The following C8orf88 variants were observed in gnomAD, a reference collection of about 807,000 sequenced individuals.
The protein encoded by C8orf88 is uncharacterized protein C8orf88.
Under a neutral mutation model 18.4 loss-of-function variants are expected in C8orf88, and 14 were observed. The observed-to-expected ratio is 0.76, with a 90% CI of 0.50 to 1.19. C8orf88 has a LOEUF of 1.19. Ranked by LOEUF, C8orf88 falls within the 50% of genes most tolerant of loss-of-function variation. C8orf88 has a pLI of 0.00. For synonymous variants in C8orf88, 45 were observed against 42.9 expected, an observed-to-expected ratio of 1.05 and a Z score of -0.19; for missense variants, 116 against 134.7, an observed-to-expected ratio of 0.86 and a Z score of 0.69.
intron 4 of C8orf88, 148 bp downstream of exon 4, chr8:90,970,918 G>A (rs1342227025): frequency 8.6e-6 from 4 of 467,598 alleles, no homozygotes; most frequent in African/African-American, 6.1e-5. Flanking sequence ...CAGTCAAAGT[G>A]GTAGCCTGAC....
intron 3 of C8orf88, among the ~76,000 whole-genome samples, chr8:90,973,365 A>G (rs1811308999): frequency 6.6e-6 from 1 of 152,182 alleles, no homozygotes; most frequent in Non-Finnish European, 1.5e-5. Flanking sequence ...AGGAAATGTA[A>G]AAGGTTAAAC....
intron 4 of C8orf88, among the ~76,000 whole-genome samples, chr8:90,962,911 G>A (rs1249392620): frequency 3.3e-5 from 5 of 151,412 alleles, no homozygotes; most frequent in African/African-American, 1.2e-4. Context: ...AGGAAAAACT[G>A]AAAAAACAGG....
intron 3 of C8orf88, among the ~76,000 whole-genome samples, chr8:90,977,230 A>C (rs1321032534): frequency 2.0e-5 from 3 of 152,170 alleles, no homozygotes; most frequent in Non-Finnish European, 2.9e-5. Flanking sequence ...AACCAACCAA[A>C]ATATATAATT....
chr8:90,971,169 T>G, intron 3 of C8orf88, 28 bp from the exon 4 acceptor site: 1 of 1,313,430 alleles, frequency 7.6e-7, no homozygotes, highest in Non-Finnish European at 1.0e-6. Flanking sequence ...AATAAACTTT[T>G]TAACTCAGGT....
chr8:90,977,495 A>G (rs1280638805), intron 3 of C8orf88, among the ~76,000 whole-genome samples: 1 of 152,220 alleles, frequency 6.6e-6, no homozygotes, highest in Non-Finnish European at 1.5e-5. Context: ...CATCAACAGA[A>G]AATGGAAAAA....
At chr8:90,962,176 T>A (rs1183695902) in intron 4 of C8orf88, among the ~76,000 whole-genome samples, 1 of 151,580 alleles carries the variant, frequency 6.6e-6, no homozygotes, top group Non-Finnish European at 1.5e-5. Context: ...TTTTTGAGGT[T>A]CATCCTTAAT....
chr8:90,972,342 T>A (rs1029367292), intron 3 of C8orf88, among the ~76,000 whole-genome samples: 1 of 151,874 alleles, frequency 6.6e-6, no homozygotes, highest in Non-Finnish European at 1.5e-5. Context: ...AAATGGAAAA[T>A]GCCTAAGATT....
chr8:90,973,796 T>C (rs1347649450), intron 3 of C8orf88, among the ~76,000 whole-genome samples: 1 of 152,078 alleles, frequency 6.6e-6, no homozygotes, highest in Non-Finnish European at 1.5e-5. Flanking sequence ...TTATATTCTA[T>C]AGCAAGAATG....
intron 4 of C8orf88, among the ~76,000 whole-genome samples, chr8:90,966,158 G>A (rs1341173927): frequency 6.6e-6 from 1 of 151,502 alleles, no homozygotes; most frequent in African/African-American, 2.4e-5. Context: ...ATACACCATG[G>A]AATACTATGC....
rs1431831302 is a variant in C8orf88, at chr8:90,973,636, C to A, written c.148-2495G>T. Among the ~76,000 whole-genome samples the A allele has an allele frequency of 2.0e-5, 3 of 152,114 alleles. No individual in the cohort carries two copies. The East Asian group carries it at 5.8e-4, about 29-fold the overall frequency. On this transcript the variant is annotated intron_variant, in intron 3 of 5. Transcript: ENST00000517562. ...GAGCTAGGACTGCAGGCATATACCA[C>A]CATACCCAGCTACTTTTCAAAAGTT...
intron 5 of C8orf88, among the ~76,000 whole-genome samples, chr8:90,960,233 A>G (rs1169836493): frequency 6.6e-6 from 1 of 151,558 alleles, no homozygotes; most frequent in African/African-American, 2.4e-5. Context: ...TAAGAATAGC[A>G]AAGACATGTT....
At chr8:90,974,390 G>C (rs1433028258) in intron 3 of C8orf88, among the ~76,000 whole-genome samples, 1 of 152,136 alleles carries the variant, frequency 6.6e-6, no homozygotes, top group Non-Finnish European at 1.5e-5. Context: ...CATAGTACCA[G>C]CTGAGCTCCA....
chr8:90,966,044 A>G (rs1811190904), intron 4 of C8orf88, among the ~76,000 whole-genome samples: 1 of 151,782 alleles, frequency 6.6e-6, no homozygotes, highest in Non-Finnish European at 1.5e-5. Context: ...GAGAAATGAA[A>G]TAGAGACTAT....
At chr8:90,976,440 A>T (rs967722378) in intron 3 of C8orf88, among the ~76,000 whole-genome samples, 1 of 152,108 alleles carries the variant, frequency 6.6e-6, no homozygotes, top group Non-Finnish European at 1.5e-5. Context: ...TAACATATTA[A>T]TTTTTTACAT....
rs540883698 is a variant in C8orf88, at chr8:90,968,549, G to A, written c.223+2517C>T. Among the ~76,000 whole-genome samples the A allele has an allele frequency of 1.8e-3, 267 of 149,800 alleles. 1 individual carries two copies. Among genetic ancestry groups the A allele is most frequent in the African/African-American group, 6.2e-3 (253 of 40,946 alleles). ...TTGTTAGATATGACACCAAAAACAC[G>A]AGCAACAAAAGGAAAAATAGTTAAA... is the stretch of plus-strand genomic sequence containing the variant. On this transcript the variant is annotated intron_variant, in intron 4 of 5. Coordinates refer to ENST00000517562, the MANE Select transcript of C8orf88 (RefSeq NM_001190972.2).
chr8:90,960,718 A>G (rs754022694), intron 5 of C8orf88, 24 bp downstream of exon 5: 2 of 1,352,284 alleles, frequency 1.5e-6, no homozygotes, highest in South Asian at 2.7e-5. Context: ...TAATATTACA[A>G]TACAAACTTA....
intron 5 of C8orf88, among the ~76,000 whole-genome samples, chr8:90,960,318 G>A (rs1310111979): frequency 6.6e-6 from 1 of 151,440 alleles, no homozygotes; most frequent in African/African-American, 2.4e-5. Flanking sequence ...CCCATTAACA[G>A]ACCATGCATA....
chr8:90,984,305 C>T (rs1262546719), intron 1 of C8orf88, among the ~76,000 whole-genome samples: 1 of 152,184 alleles, frequency 6.6e-6, no homozygotes, highest in Non-Finnish European at 1.5e-5. Flanking sequence ...AACTTCAAAA[C>T]ATTACAAAGT....
chr8:90,970,996 A>C, intron 4 of C8orf88, 70 bp downstream of exon 4: 1 of 870,742 alleles, frequency 1.1e-6, no homozygotes, highest in Non-Finnish European at 1.7e-6. Flanking sequence ...CTAAGTGATA[A>C]AGTAATATTA....
Sources: allele counts gnomAD v4.1 joint callset (sites outside exome capture counted in the v4.1 genomes callset), GRCh38; gene constraint gnomAD v4.1.1; transcripts MANE v1.5; gene names NCBI Gene and HGNC (gene_info 2026-07-23, HGNC 2026-07-21).